The following RYR1 variants were observed in gnomAD, a reference collection of about 807,000 sequenced individuals.
The protein encoded by RYR1 is ryanodine receptor 1.
Under a neutral mutation model 583.5 loss-of-function variants are expected in RYR1, and 342 were observed. The observed-to-expected ratio is 0.59, with a 90% CI of 0.54 to 0.64. The LOEUF is 0.64. Among genes scored for constraint, RYR1 ranks in the 30% least tolerant of loss-of-function variants. The pLI is 0.00. For synonymous variants in RYR1, 2,791 were observed against 2,822.5 expected, an observed-to-expected ratio of 0.99 and a Z score of 0.35; for missense variants, 6,032 against 6,917.2, an observed-to-expected ratio of 0.87 and a Z score of 4.54.
chr19:38,577,205 T>C (rs1973997178), intron 97 of RYR1, among the ~76,000 whole-genome samples: 1 of 152,116 alleles, frequency 6.6e-6, no homozygotes, highest in Admixed American at 6.5e-5. Context: ...CCTTTCTATT[T>C]CTGGCTTATT....
Position 38,565,581 on chromosome 19 carries a change from C to A in RYR1, c.13247C>A (p.Ala4416Glu), listed in dbSNP as rs1427610973. The change falls in exon 91 of 106, where the codon GCG (alanine) becomes GAG (glutamate). Residue 4416 changes from alanine (A) to glutamate (E), a missense_variant. This residue lies in a region of RYR1 where 753 missense variants were observed against 759.6 expected (regional missense o/e 0.99). Coordinates refer to ENST00000359596, the MANE Select transcript of RYR1 (RefSeq NM_000540.3). The surrounding 1 kb of genome is among the most constrained non-coding windows in gnomAD (Gnocchi z 4.7). Reference sequence around the variant, plus strand: ...GCCAGCGAGGGCGCTGGAGACGCCGCGGAGGGCGCTGGAGACGAGGAGGAG... The same window carrying A: ...GCCAGCGAGGGCGCTGGAGACGCCGAGGAGGGCGCTGGAGACGAGGAGGAG... ...EGASEGAGDA[A>E]EGAGDEEEAV... The A allele has an allele frequency of 3.4e-6, 5 of 1,469,392 alleles. No individual in the cohort carries two copies. The African/African-American group carries it at 7.3e-5, about 22-fold the overall frequency. 91.0% of individuals were successfully genotyped at this position (1,469,392 alleles called of 1,614,324 possible). A position where few individuals can be genotyped will look rare whatever the true frequency, so the allele number is the denominator to read the frequency against.
rs777029846 is a variant in RYR1 at position 38,452,885 on chromosome 19, C to G, written c.1311C>G (p.Ile437Met). The change falls in exon 13 of 106, where the codon ATC becomes ATG. Residue 437 changes from isoleucine to methionine, a missense_variant. Around this residue, in one of 11 missense-constraint regions of RYR1, gnomAD observed 2,627 missense variants for 2,961.3 expected, o/e 0.89. Coordinates refer to ENST00000359596, the MANE Select transcript of RYR1 (RefSeq NM_000540.3). ...SGPPAGTALP[I>M]EGVILSLQDL... The stretch of plus-strand genomic sequence containing the variant: ...CACCCGCTGGCACGGCGCTGCCCAT[C>G]GAGGGCGTTATCCTGAGCCTGCAGG... 1.9e-5 allele frequency: 31 copies of G among 1,611,974 alleles called. No homozygotes were observed. The highest frequency in any genetic ancestry group is 2.5e-5 in the Non-Finnish European group (29 of 1,179,118).
chr19:38,486,303 A>T, intron 34 of RYR1, 101 bp downstream of exon 34: 1 of 1,387,582 alleles, frequency 7.2e-7, no homozygotes, highest in Non-Finnish European at 1.0e-6. Context: ...GCATCCAACC[A>T]CCCATTCATT....
intron 99 of RYR1, among the ~76,000 whole-genome samples, chr19:38,578,864 C>T (rs547850669): frequency 6.6e-6 from 1 of 152,274 alleles, no homozygotes; most frequent in East Asian, 1.9e-4. Flanking sequence ...ATAATCCCAG[C>T]ACTTTGGGAG....
rs2071089 is a variant in RYR1, at chr19:38,512,085, A to G, written c.9186A>G (p.Pro3062=). 0.28 allele frequency: 455,604 copies of G among 1,613,272 alleles called. 68,314 individuals are homozygous for G. The highest frequency in any genetic ancestry group is 0.45 in the South Asian group (40,713 of 91,010). ...TTCCTCTCCCAGGGACAGACGCCCC[A>G]GCTGTGGTCAACTGTCTTCACATCC... ...HRVSLFGTDA[P]AVVNCLHILA... is the part of the protein sequence containing the mutation. The change falls in exon 62 of 106, where the codon CCA becomes CCG. Residue 3062 remains proline, a synonymous_variant. Coordinates refer to ENST00000359596, the MANE Select transcript of RYR1 (RefSeq NM_000540.3). The surrounding 1 kb of genome is among the most constrained non-coding windows in gnomAD (Gnocchi z 5.1).
In RYR1 at chr19:38,483,373, G is replaced by T; in HGVS notation, c.4791G>T (p.Gln1597His). 6.4e-7 allele frequency: 1 copy of T among 1,565,210 alleles called. No homozygotes were observed. The highest frequency in any genetic ancestry group is 8.7e-7 in the Non-Finnish European group (1 of 1,155,470). ...AGTGCCCACCGCGGCTGGAGATGCA[G>T]ATGCTGATGCCAGTGTCCTGGAGCC... ...APQCPPRLEM[Q>H]MLMPVSWSRM... Residue 1597 changes from glutamine (Q) to histidine (H), a missense_variant, in exon 33 of 106, where the codon CAG becomes CAT. Coordinates refer to ENST00000359596, the MANE Select transcript of RYR1 (RefSeq NM_000540.3). The surrounding 1 kb of genome is among the most constrained non-coding windows in gnomAD (Gnocchi z 6.3).
intron 23 of RYR1, among the ~76,000 whole-genome samples, chr19:38,465,474 A>C (rs908642988): frequency 4.6e-5 from 7 of 151,768 alleles, no homozygotes; most frequent in African/African-American, 1.7e-4. Flanking sequence ...ACCTCAAAAA[A>C]ACAAAAAGAG....
chr19:38,565,143 CGGGCGCGGA>C lies in RYR1; in HGVS notation c.12810_12818del (p.Gly4274_Glu4276del), dbSNP rs759582696. The C allele has an allele frequency of 1.5e-5, 23 of 1,521,392 alleles. 3 individuals are homozygous for C. In the South Asian group the frequency reaches 2.6e-4, roughly 17 times the overall value. 94.2% of individuals were successfully genotyped at this position (1,521,392 alleles called of 1,614,324 possible). ...GACGAGGGCGCGGGCGCGGCGGAGG[CGGGCGCGGA>C]AGGCGCGGAGGAGGGCGCGGCGGGG... On this transcript the variant is annotated inframe_deletion, in exon 91 of 106. Coordinates refer to ENST00000359596, the MANE Select transcript of RYR1 (RefSeq NM_000540.3). The surrounding 1 kb of genome is among the most constrained non-coding windows in gnomAD (Gnocchi z 4.7).
intron 83 of RYR1, 89 bp downstream of exon 83, chr19:38,536,856 G>A: frequency 7.2e-7 from 1 of 1,392,322 alleles, no homozygotes; most frequent in Non-Finnish European, 1.0e-6. Flanking sequence ...CTGAGGATCT[G>A]GGACGTGGAG....
At position 38,489,714 on chromosome 19, in the gene RYR1, C is replaced by T. The variant is rs188586940; in HGVS notation, c.5814+271C>T. Among the ~76,000 whole-genome samples the T allele has an allele frequency of 4.6e-3, 696 of 152,204 alleles. 8 individuals carry two copies. Among genetic ancestry groups the T allele is most frequent in the African/African-American group, 0.016 (665 of 41,516 alleles). ...TGCGATCTCGGCTCACTGTAACCTC[C>T]GCCTCCCGGGTTCAAGCAATTCTCC... is the stretch of plus-strand genomic sequence containing the variant. On this transcript the variant is annotated intron_variant, in intron 35 of 105. Transcript: ENST00000359596.
In RYR1 at chr19:38,580,356, C is replaced by T; in HGVS notation, c.14512-14C>T. 3.1e-6 allele frequency: 5 copies of T among 1,613,804 alleles called. No individual in the cohort carries two copies. Among genetic ancestry groups the T allele is most frequent in the Non-Finnish European group, 3.4e-6 (4 of 1,179,960 alleles). Reference sequence around the variant, plus strand: ...GCCCAGGGCGGAGCTGACCTGGCCCCATCCTGCCCCCAGCTGGTGATGACC... The same window carrying T: ...GCCCAGGGCGGAGCTGACCTGGCCCTATCCTGCCCCCAGCTGGTGATGACC... On this transcript the variant is annotated splice_polypyrimidine_tract_variant and intron_variant, in intron 100 of 105. Transcript: ENST00000359596.
chr19:38,490,177 C>T lies in RYR1; in HGVS notation c.5916C>T (p.Asn1972=). 1 of 1,614,240 alleles carries T rather than the reference C, an allele frequency of 6.2e-7. No homozygotes were observed. The highest frequency in any genetic ancestry group is 8.5e-7 in the Non-Finnish European group (1 of 1,180,036). Residue 1972 remains asparagine, a synonymous_variant, in exon 36 of 106, where the codon AAC becomes AAT. Transcript: ENST00000359596. ...GCTATGTGGACAAGCTCCAGGCCAA[C>T]CAGCGGAGCCGCTATGGCCTCCTCA... The part of the protein sequence containing the change: ...AERYVDKLQA[N]QRSRYGLLIK...
intron 25 of RYR1, among the ~76,000 whole-genome samples, chr19:38,468,220 C>T (rs1968228965): frequency 6.6e-6 from 1 of 151,962 alleles, no homozygotes; most frequent in African/African-American, 2.4e-5. Context: ...TCCATCCATC[C>T]ATCCATCCAT....
chr19:38,439,802 C>T (rs917381449), intron 1 of RYR1, among the ~76,000 whole-genome samples: 4 of 152,190 alleles, frequency 2.6e-5, no homozygotes, highest in African/African-American at 4.8e-5. Context: ...CTACTGCGCC[C>T]GGACTCAATA....
chr19:38,586,484 G>A, intron 104 of RYR1, 41 bp from the exon 105 acceptor site: 1 of 1,573,832 alleles, frequency 6.4e-7, no homozygotes, highest in Non-Finnish European at 8.7e-7. Flanking sequence ...AATAAGGTAA[G>A]GGTGGTTCTG....
At chr19:38,493,966 G>C (rs1969679297) in intron 38 of RYR1, among the ~76,000 whole-genome samples, 1 of 152,150 alleles carries the variant, frequency 6.6e-6, no homozygotes, top group Non-Finnish European at 1.5e-5. Context: ...TTGTGGGCTG[G>C]ATATTAGGGT....
intron 22 of RYR1, among the ~76,000 whole-genome samples, chr19:38,464,225 C>T (rs112705008): frequency 4.8e-4 from 62 of 128,068 alleles, no homozygotes; most frequent in African/African-American, 1.4e-3. Context: ...TGCAGCGAGC[C>T]GAGATCACAC....
chr19:38,555,259 T>C (rs996358885), intron 89 of RYR1, among the ~76,000 whole-genome samples: 3 of 152,048 alleles, frequency 2.0e-5, no homozygotes, highest in African/African-American at 7.2e-5. Flanking sequence ...GAGAAGAGCC[T>C]GGGCAACATG....
At position 38,499,664 on chromosome 19, in the gene RYR1, G is replaced by T; in HGVS notation, c.7057G>T (p.Val2353Leu). The T allele has an allele frequency of 6.3e-7, 1 of 1,599,274 alleles. No individual in the cohort carries two copies. Among genetic ancestry groups the T allele is most frequent in the Non-Finnish European group, 8.5e-7 (1 of 1,179,888 alleles). ...GESVEENANVVVRLLIRKPEC... is the reference protein window; with the variant it reads ...GESVEENANVLVRLLIRKPEC... ...GAGCGTGGAGGAGAACGCCAATGTG[G>T]TGGTGCGGCTGCTCATCCGGAAGCC... The change falls in exon 44 of 106, where the codon GTG becomes TTG. Residue 2353 changes from valine to leucine, a missense_variant. Physicochemically the swap from Val to Leu is conservative, Grantham distance 32. Coordinates refer to ENST00000359596, the MANE Select transcript of RYR1 (RefSeq NM_000540.3). The surrounding 1 kb of genome is among the most constrained non-coding windows in gnomAD (Gnocchi z 7.3).
Sources: allele counts gnomAD v4.1 joint callset (sites outside exome capture counted in the v4.1 genomes callset), GRCh38; gene constraint gnomAD v4.1.1; regional missense constraint gnomAD v4.1.1; non-coding constraint Gnocchi (gnomAD v3.1); transcripts MANE v1.5; gene names NCBI Gene and HGNC (gene_info 2026-07-23, HGNC 2026-07-21).